Variants in SLC16A7 observed in about 807,000 individuals in gnomAD.
SLC16A7 encodes the protein monocarboxylate transporter 2.
A neutral mutation model predicts 34.9 loss-of-function variants in SLC16A7; 33 were observed. The observed-to-expected ratio is 0.94, with a 90% CI of 0.72 to 1.26. The LOEUF (loss-of-function observed/expected upper bound fraction) is 1.26, where lower values mean the gene tolerates loss of function less well. SLC16A7 is among the 50% of genes most tolerant of loss of function. SLC16A7 has a pLI of 0.00. For synonymous variants in SLC16A7, 201 were observed against 206.6 expected (o/e 0.97, Z 0.23); for missense variants, 573 against 578.1 (o/e 0.99, Z 0.09).
Position 59,774,883 on chromosome 12 carries a change from AC to A in SLC16A7, c.592del (p.Gly199AspfsTer39). On this transcript the variant is annotated frameshift_variant, in exon 5 of 6. Transcript: ENST00000547379. LOFTEE classifies it high-confidence loss of function. ...NACVAGSLMR[P>X]LGPNQTTSKS... ...CCTGTGTGGCTGGTTCCCTCATGAG[AC>A]CCCTTGGACCCAATCAAACCACTTC... The A allele has an allele frequency of 6.2e-7, 1 of 1,613,812 alleles. No homozygotes were observed. The highest frequency in any genetic ancestry group is 1.1e-5 in the South Asian group (1 of 91,052).
intron 3 of SLC16A7, among the ~76,000 whole-genome samples, chr12:59,718,351 A>G (rs1875166428): frequency 6.6e-6 from 1 of 152,130 alleles, no homozygotes; most frequent in Admixed American, 6.6e-5. Flanking sequence ...CATCGTTTTT[A>G]CTAAATATCT....
chr12:59,730,308 A>G (rs11173126), intron 3 of SLC16A7, among the ~76,000 whole-genome samples: 39,806 of 150,674 alleles, frequency 0.26, 5,336 homozygotes, highest in East Asian at 0.31. Context: ...CCACATGGAT[A>G]GTCTTATGTC....
intron 3 of SLC16A7, among the ~76,000 whole-genome samples, chr12:59,708,508 A>C (rs1474856670): frequency 6.6e-6 from 1 of 152,190 alleles, no homozygotes; most frequent in Admixed American, 6.6e-5. Flanking sequence ...TTATAAAAAA[A>C]ATTTGGAGAG....
chr12:59,719,732 A>C, intron 3 of SLC16A7: 1 of 218,166 alleles, frequency 4.6e-6, no homozygotes, highest in South Asian at 1.7e-4. Flanking sequence ...ATTCATTGAG[A>C]GATTTTTTAC....
At chr12:59,743,428 A>G (rs1878551894) in intron 3 of SLC16A7, among the ~76,000 whole-genome samples, 1 of 152,222 alleles carries the variant, frequency 6.6e-6, no homozygotes, top group Non-Finnish European at 1.5e-5. Flanking sequence ...ATCTTACATG[A>G]CATGCTTTGC....
chr12:59,634,489 G>A (rs928765304), intron 1 of SLC16A7, among the ~76,000 whole-genome samples: 2 of 151,940 alleles, frequency 1.3e-5, no homozygotes, highest in Non-Finnish European at 2.9e-5. Context: ...GTTAGTAGGT[G>A]GAAAATTACT....
intron 1 of SLC16A7, among the ~76,000 whole-genome samples, chr12:59,630,027 T>A (rs369543531): frequency 6.6e-6 from 1 of 152,060 alleles, no homozygotes; most frequent in South Asian, 2.1e-4. Context: ...TACATAGTAG[T>A]CACAAGTCAA....
At chr12:59,682,031 T>A (rs1391403862) in intron 2 of SLC16A7, among the ~76,000 whole-genome samples, 1 of 152,192 alleles carries the variant, frequency 6.6e-6, no homozygotes, top group Non-Finnish European at 1.5e-5. Flanking sequence ...AAACTCACCC[T>A]AGAAATTCCA....
chr12:59,730,728 A>G (rs887986113), intron 3 of SLC16A7, among the ~76,000 whole-genome samples: 5 of 152,144 alleles, frequency 3.3e-5, no homozygotes, highest in South Asian at 2.1e-4. Flanking sequence ...TGGCATTTGT[A>G]TGCTCAAAAA....
intron 1 of SLC16A7, among the ~76,000 whole-genome samples, chr12:59,611,106 G>A (rs529068190): frequency 6.6e-6 from 1 of 152,210 alleles, no homozygotes; most frequent in South Asian, 2.1e-4. Context: ...CCATTCATGA[G>A]GTATCTACCA....
At chr12:59,653,708 T>C (rs1202999451) in intron 1 of SLC16A7, among the ~76,000 whole-genome samples, 1 of 151,658 alleles carries the variant, frequency 6.6e-6, no homozygotes. Flanking sequence ...CTACTTATTA[T>C]AGTTTTGGAA....
chr12:59,614,281 C>T (rs182240541), intron 1 of SLC16A7, among the ~76,000 whole-genome samples: 3 of 152,242 alleles, frequency 2.0e-5, no homozygotes, highest in Admixed American at 1.3e-4. Context: ...AGATGATCCA[C>T]CTGCCTCAGC....
At chr12:59,630,944 C>A (rs1418502618) in intron 1 of SLC16A7, among the ~76,000 whole-genome samples, 1 of 151,870 alleles carries the variant, frequency 6.6e-6, no homozygotes, top group Non-Finnish European at 1.5e-5. Flanking sequence ...AAATTTGCTG[C>A]ATATGTATTG....
intron 3 of SLC16A7, among the ~76,000 whole-genome samples, chr12:59,707,865 A>T (rs975069814): frequency 1.3e-5 from 2 of 152,152 alleles, no homozygotes; most frequent in African/African-American, 4.8e-5. Flanking sequence ...AAAAGTCAGG[A>T]ATTGCAGAAA....
At chr12:59,672,011 C>A (rs7966936) in intron 2 of SLC16A7, among the ~76,000 whole-genome samples, 1,046 of 1,066 alleles carry the variant, frequency 0.98, 514 homozygotes, top group Middle Eastern at 1. Flanking sequence ...ATCCATATAT[C>A]CGTATATATG....
At chr12:59,734,955 T>C (rs1306662116) in intron 3 of SLC16A7, among the ~76,000 whole-genome samples, 2 of 152,210 alleles carry the variant, frequency 1.3e-5, no homozygotes, top group African/African-American at 2.4e-5. Context: ...CATTTCCTTT[T>C]CTATTGACAC....
chr12:59,761,296 C>G, intron 3 of SLC16A7: 1 of 469,284 alleles, frequency 2.1e-6, no homozygotes, highest in South Asian at 2.0e-5. Flanking sequence ...CTCTTAAAGT[C>G]TGATGGTTAG....
chr12:59,768,855 C>T (rs1397345794), intron 3 of SLC16A7, among the ~76,000 whole-genome samples: 1 of 151,924 alleles, frequency 6.6e-6, no homozygotes, highest in Non-Finnish European at 1.5e-5. Flanking sequence ...AAAAGAATAG[C>T]CAGGCATGGT....
At chr12:59,713,664 G>A (rs1874525648) in intron 3 of SLC16A7, among the ~76,000 whole-genome samples, 1 of 152,186 alleles carries the variant, frequency 6.6e-6, no homozygotes, top group Non-Finnish European at 1.5e-5. Context: ...TGCTTCAGGA[G>A]TGTGGTTCAT....
Sources: gnomAD v4.1 joint callset for allele counts (sites outside exome capture counted in the v4.1 genomes callset) on GRCh38, gnomAD v4.1.1 for gene constraint, MANE v1.5 for transcripts, NCBI Gene and HGNC (gene_info 2026-07-23, HGNC 2026-07-21) for gene names.